Variants in TBC1D5 observed in about 807,000 individuals in gnomAD.
TBC1D5 encodes the protein TBC1 domain family member 5.
Under a neutral mutation model 100.3 loss-of-function variants are expected in TBC1D5, and 75 were observed. The observed-to-expected ratio is 0.75, with a 90% CI of 0.62 to 0.91. The LOEUF (loss-of-function observed/expected upper bound fraction) is 0.91. Among genes scored for constraint, TBC1D5 ranks in the 40% least tolerant of loss-of-function variants. The pLI is 0.00. For synonymous variants in TBC1D5, 323 were observed against 325.6 expected (o/e 0.99, Z 0.09); for missense variants, 910 against 942.4 (o/e 0.97, Z 0.45).
intron 2 of TBC1D5, among the ~76,000 whole-genome samples, chr3:17,618,492 T>C (rs565375266): frequency 1.6e-4 from 24 of 152,366 alleles, no homozygotes; most frequent in African/African-American, 5.3e-4. Flanking sequence ...TCTTCAGCTA[T>C]GCCCTCCCCA....
intron 13 of TBC1D5, among the ~76,000 whole-genome samples, chr3:17,366,526 A>G (rs114521505): frequency 0.04 from 6,075 of 152,264 alleles, 186 homozygotes; most frequent in Middle Eastern, 0.088. Flanking sequence ...TCAGTAGTGT[A>G]TGAAAGCAAG....
At chr3:17,477,681 A>G (rs1439342352) in intron 3 of TBC1D5, among the ~76,000 whole-genome samples, 1 of 152,062 alleles carries the variant, frequency 6.6e-6, no homozygotes, top group Non-Finnish European at 1.5e-5. Flanking sequence ...ATGGCTACAT[A>G]TCCATTTATG....
chr3:17,357,109 T>C (rs952646533), intron 13 of TBC1D5, among the ~76,000 whole-genome samples: 8 of 152,160 alleles, frequency 5.3e-5, no homozygotes, highest in Admixed American at 4.6e-4. Context: ...CTGCATTATG[T>C]CTTACCACCA....
intron 17 of TBC1D5, among the ~76,000 whole-genome samples, chr3:17,221,550 G>A (rs2596666): frequency 0.39 from 59,990 of 151,906 alleles, 12,582 homozygotes; most frequent in Middle Eastern, 0.49. Context: ...GAAGAAAGAG[G>A]AGAGAGTTCA....
chr3:17,601,986 C>G (rs962090954), intron 2 of TBC1D5, among the ~76,000 whole-genome samples: 1 of 152,078 alleles, frequency 6.6e-6, no homozygotes, highest in Non-Finnish European at 1.5e-5. Flanking sequence ...CCTGCCACCA[C>G]GCCTGGCTAA....
intron 1 of TBC1D5, among the ~76,000 whole-genome samples, chr3:17,678,331 C>T (rs116485564): frequency 3.9e-4 from 60 of 152,150 alleles, no homozygotes; most frequent in African/African-American, 1.4e-3. Flanking sequence ...AAAATGAGTA[C>T]ACAAAACAAC....
rs145644747 is a variant in TBC1D5, at chr3:17,398,803, C to T, written c.509+4378G>A. 4.6e-3 allele frequency among the ~76,000 whole-genome samples: 696 copies of T among 152,104 alleles called. 3 individuals carry two copies. Among genetic ancestry groups the T allele is most frequent in the African/African-American group, 0.016 (645 of 41,508 alleles). On this transcript the variant is annotated intron_variant, in intron 8 of 21. Transcript: ENST00000253692. ...AGGGTCCATATCACATTTATCTTGG[C>T]ATCTCTAGTGCCTGGTACACTAAGG...
intron 2 of TBC1D5, among the ~76,000 whole-genome samples, chr3:17,591,309 C>A (rs1378411838): frequency 7.3e-6 from 1 of 137,498 alleles, no homozygotes; most frequent in African/African-American, 2.7e-5. Flanking sequence ...AATTTCCAGG[C>A]TTGAGATAGT....
chr3:17,495,362 TAAATC>T (rs2095693277), intron 3 of TBC1D5, among the ~76,000 whole-genome samples: 1 of 152,248 alleles, frequency 6.6e-6, no homozygotes. Flanking sequence ...AACAGAAACT[TAAATC>T]AATCAAATTA....
chr3:17,425,571 G>A lies in TBC1D5; in HGVS notation c.167+2879C>T, dbSNP rs547327120. Among the ~76,000 whole-genome samples the A allele has an allele frequency of 2.0e-5, 3 of 152,316 alleles. No homozygotes were observed. The South Asian group carries it at 6.2e-4, about 32-fold the overall frequency. On this transcript the variant is annotated intron_variant, in intron 4 of 21. Transcript: ENST00000253692. Reference sequence around the variant, plus strand: ...TTGAGGCCAGGTGGTTGAGGCTGCAGTGAGCCGAGATAGTGCCACTGTACG... The same window carrying A: ...TTGAGGCCAGGTGGTTGAGGCTGCAATGAGCCGAGATAGTGCCACTGTACG...
At chr3:17,531,810 C>T (rs1383473960) in intron 2 of TBC1D5, among the ~76,000 whole-genome samples, 4 of 152,184 alleles carry the variant, frequency 2.6e-5, no homozygotes, top group Admixed American at 1.3e-4. Flanking sequence ...GGATCCCTTC[C>T]TTACACTTTA....
intron 15 of TBC1D5, among the ~76,000 whole-genome samples, chr3:17,266,798 G>A (rs931768367): frequency 2.2e-4 from 33 of 152,020 alleles, no homozygotes; most frequent in Admixed American, 1.2e-3. Context: ...TATTTTGATG[G>A]GAAAACATAT....
chr3:17,562,324 C>T (rs530875362), intron 2 of TBC1D5, among the ~76,000 whole-genome samples: 4 of 151,858 alleles, frequency 2.6e-5, no homozygotes, highest in African/African-American at 9.7e-5. Flanking sequence ...GCTATTAATG[C>T]CAATCCTATT....
intron 17 of TBC1D5, 102 bp from the exon 19 acceptor site, chr3:17,214,472 G>A (rs1438743906): frequency 8.4e-7 from 1 of 1,184,996 alleles, no homozygotes; most frequent in Non-Finnish European, 1.2e-6. Flanking sequence ...GATGCCACTA[G>A]GTTGATACTA....
At chr3:17,474,664 T>C (rs931425042) in intron 3 of TBC1D5, among the ~76,000 whole-genome samples, 1 of 152,082 alleles carries the variant, frequency 6.6e-6, no homozygotes, top group African/African-American at 2.4e-5. Context: ...CAACCAACAA[T>C]TCACACTTAA....
At chr3:17,275,801 T>C (rs2079932646) in intron 15 of TBC1D5, among the ~76,000 whole-genome samples, 1 of 152,118 alleles carries the variant, frequency 6.6e-6, no homozygotes. Context: ...ACTGTGTAAT[T>C]TCCAGGACCC....
At chr3:17,584,401 CT>C (rs2096719631) in intron 2 of TBC1D5, among the ~76,000 whole-genome samples, 1 of 152,080 alleles carries the variant, frequency 6.6e-6, no homozygotes, top group Admixed American at 6.5e-5. Flanking sequence ...TCAGTTCACT[CT>C]TTCTATTTTC....
intron 1 of TBC1D5, among the ~76,000 whole-genome samples, chr3:17,627,365 T>TA: frequency 6.6e-6 from 1 of 152,266 alleles, no homozygotes; most frequent in African/African-American, 2.4e-5. Context: ...CTATAGATTT[T>TA]AGAGTTCTCT....
chr3:17,580,495 G>A (rs1008006031), intron 2 of TBC1D5, among the ~76,000 whole-genome samples: 5 of 152,042 alleles, frequency 3.3e-5, no homozygotes, highest in Admixed American at 6.6e-5. Flanking sequence ...GATATGCTCC[G>A]CCTTCCTTCT....
Sources: allele counts gnomAD v4.1 joint callset (sites outside exome capture counted in the v4.1 genomes callset), GRCh38; gene constraint gnomAD v4.1.1; transcripts MANE v1.5; gene names NCBI Gene and HGNC (gene_info 2026-07-23, HGNC 2026-07-21).